CEP128: variants seen among roughly 807,000 people sequenced by gnomAD.
CEP128 encodes the protein centrosomal protein 128.
CEP128 carries 132 observed loss-of-function variants against 156.7 expected under a neutral mutation model. The ratio of observed to expected loss-of-function variants is 0.84; its 90% confidence interval spans 0.73 to 0.97. The LOEUF (loss-of-function observed/expected upper bound fraction) is 0.97. CEP128 is among the 50% of genes least tolerant of loss of function. CEP128 has a pLI of 0.00. For synonymous variants in CEP128, 469 were observed against 448.9 expected, an observed-to-expected ratio of 1.04 and a Z score of -0.57; for missense variants, 1,252 against 1,281.9, an observed-to-expected ratio of 0.98 and a Z score of 0.36.
chr14:80,555,100 T>G (rs1330446696), intron 21 of CEP128, among the ~76,000 whole-genome samples: 1 of 152,128 alleles, frequency 6.6e-6, no homozygotes, highest in Non-Finnish European at 1.5e-5. Flanking sequence ...GGTTTGTATT[T>G]CAGAACGTCA....
intron 17 of CEP128, among the ~76,000 whole-genome samples, chr14:80,759,149 G>C (rs1806722516): frequency 6.6e-6 from 1 of 152,182 alleles, no homozygotes; most frequent in Non-Finnish European, 1.5e-5. Flanking sequence ...TACAATTGTA[G>C]TGTACGTCTG....
chr14:80,510,321 T>C (rs112046136), intron 23 of CEP128, among the ~76,000 whole-genome samples: 5,890 of 152,208 alleles, frequency 0.039, 317 homozygotes, highest in African/African-American at 0.12. Context: ...TAGTTTTCAT[T>C]GTAGAGATCT....
At chr14:80,764,594 T>G (rs897438734) in intron 16 of CEP128, among the ~76,000 whole-genome samples, 2 of 152,224 alleles carry the variant, frequency 1.3e-5, no homozygotes, top group Admixed American at 6.5e-5. Flanking sequence ...CAAGCTCTCT[T>G]TGAAGTAAAA....
At chr14:80,516,059 G>A (rs1042269502) in intron 23 of CEP128, among the ~76,000 whole-genome samples, 1 of 152,066 alleles carries the variant, frequency 6.6e-6, no homozygotes, top group Admixed American at 6.6e-5. Context: ...GTAGAAACAG[G>A]GTTTCATCAT....
intron 19 of CEP128, among the ~76,000 whole-genome samples, chr14:80,657,124 G>C (rs1566838475): frequency 1.3e-5 from 2 of 152,082 alleles, no homozygotes; most frequent in African/African-American, 2.4e-5. Flanking sequence ...CATGCATGGT[G>C]GTGGGTGCCT....
chr14:80,577,503 C>T (rs1891410593), intron 20 of CEP128, among the ~76,000 whole-genome samples: 1 of 152,106 alleles, frequency 6.6e-6, no homozygotes, highest in Admixed American at 6.6e-5. Flanking sequence ...TACTTCCTAA[C>T]AACCAATCTC....
chr14:80,619,536 C>A (rs757567352), intron 19 of CEP128, among the ~76,000 whole-genome samples: 2 of 151,238 alleles, frequency 1.3e-5, no homozygotes, highest in Non-Finnish European at 1.5e-5. Context: ...CTCATCTCTA[C>A]TAAAAATACA....
chr14:80,801,924 A>C (rs1250504703), intron 13 of CEP128, among the ~76,000 whole-genome samples: 3 of 149,324 alleles, frequency 2.0e-5, no homozygotes, highest in African/African-American at 4.9e-5. Flanking sequence ...AAAAAAAAAA[A>C]AAAAAAAAAA....
At chr14:80,779,010 A>G (rs1220745787) in intron 15 of CEP128, among the ~76,000 whole-genome samples, 1 of 152,166 alleles carries the variant, frequency 6.6e-6, no homozygotes, top group African/African-American at 2.4e-5. Flanking sequence ...TCAGGATTTG[A>G]ACCCAGGAAT....
chr14:80,672,063 T>G (rs1276409284), intron 19 of CEP128, among the ~76,000 whole-genome samples: 1 of 152,142 alleles, frequency 6.6e-6, no homozygotes, highest in Non-Finnish European at 1.5e-5. Context: ...CCTTGAAGAC[T>G]GGGGCCTGCC....
At chr14:80,855,551 A>T (rs554418202) in intron 9 of CEP128, among the ~76,000 whole-genome samples, 14 of 152,150 alleles carry the variant, frequency 9.2e-5, no homozygotes, top group Non-Finnish European at 2.1e-4. Flanking sequence ...GTATGCAAAA[A>T]TGTACGAGAT....
chr14:80,900,088 T>C, intron 6 of CEP128, 59 bp from the exon 7 acceptor site: 1 of 1,083,342 alleles, frequency 9.2e-7, no homozygotes, highest in Non-Finnish European at 1.4e-6. Flanking sequence ...TCCATGAAGA[T>C]TCACCAAAGG....
chr14:80,673,638 T>A lies in CEP128; in HGVS notation c.2806+69437A>T, dbSNP rs1441115872. Among the ~76,000 whole-genome samples, 11 of 60,458 alleles carry A rather than the reference T, an allele frequency of 1.8e-4. No homozygotes were observed. The Admixed American group carries it at 3.2e-3, about 17-fold the overall frequency. 39.7% of individuals were successfully genotyped at this position (60,458 alleles called of 152,430 possible). On this transcript the variant is annotated intron_variant, in intron 19 of 24. Transcript: ENST00000555265. Reference sequence around the variant, plus strand: ...TCCAGCCTGGGCGACAGAGCGAGACTCCGTCTCAAAAAAAAAAAAAAAAAA... The same window carrying A: ...TCCAGCCTGGGCGACAGAGCGAGACACCGTCTCAAAAAAAAAAAAAAAAAA...
rs561429766 is a variant in CEP128, at chr14:80,756,770, C to T, written c.2613+122G>A. ...TAAGTGGACTGCAGTGATATCTTCC[C>T]CTGCAATTAAGCATTATAGCTTCAT... On this transcript the variant is annotated intron_variant, in intron 18 of 24. Coordinates refer to ENST00000555265, the MANE Select transcript of CEP128 (RefSeq NM_152446.5). 4.3e-5 allele frequency: 28 copies of T among 652,824 alleles called. No individual in the cohort carries two copies. In the South Asian group the frequency reaches 5.1e-4, roughly 12 times the overall value. 40.4% of individuals were successfully genotyped at this position (652,824 alleles called of 1,614,324 possible).
chr14:80,544,602 C>CA (rs2140320097), intron 21 of CEP128, among the ~76,000 whole-genome samples: 1 of 152,302 alleles, frequency 6.6e-6, no homozygotes, highest in Non-Finnish European at 1.5e-5. Context: ...GCAAGTTGTG[C>CA]AAAATCTCAG....
At chr14:80,862,297 A>G (rs987507436) in intron 9 of CEP128, among the ~76,000 whole-genome samples, 75 of 152,360 alleles carry the variant, frequency 4.9e-4, no homozygotes, top group African/African-American at 1.8e-3. Flanking sequence ...TTGTGCTCCA[A>G]TAAAACTACT....
At chr14:80,692,856 T>G (rs993467595) in intron 19 of CEP128, among the ~76,000 whole-genome samples, 1 of 152,210 alleles carries the variant, frequency 6.6e-6, no homozygotes, top group Admixed American at 6.5e-5. Context: ...TGCTGTAGAA[T>G]TCCCCTGAAT....
At chr14:80,863,762 T>C (rs1887633104) in intron 8 of CEP128, among the ~76,000 whole-genome samples, 1 of 152,152 alleles carries the variant, frequency 6.6e-6, no homozygotes, top group African/African-American at 2.4e-5. Context: ...GGAACCTTAT[T>C]GGGGTCGTGT....
chr14:80,899,689 C>T (rs1336969399), intron 7 of CEP128, among the ~76,000 whole-genome samples: 2 of 152,086 alleles, frequency 1.3e-5, no homozygotes, highest in Admixed American at 6.5e-5. Flanking sequence ...CACAGTGTAC[C>T]CCTCCATAAT....
Sources: gnomAD v4.1 joint callset for allele counts (sites outside exome capture counted in the v4.1 genomes callset) on GRCh38, gnomAD v4.1.1 for gene constraint, MANE v1.5 for transcripts, NCBI Gene and HGNC (gene_info 2026-07-23, HGNC 2026-07-21) for gene names.